Variants in NTRK3 observed in about 807,000 individuals in gnomAD.
NTRK3 encodes the protein neurotrophic receptor tyrosine kinase 3.
A neutral mutation model predicts 91.7 loss-of-function variants in NTRK3; 24 were observed. That is an observed-to-expected ratio of 0.26 (90% CI 0.19 to 0.37). The LOEUF is 0.37. Ranked by LOEUF, NTRK3 falls within the 10% of genes least tolerant of loss-of-function variation. NTRK3 has a pLI of 1.00. For synonymous variants in NTRK3, 483 were observed against 404.0 expected, an observed-to-expected ratio of 1.20 and a Z score of -2.34; for missense variants, 880 against 1,068.9, an observed-to-expected ratio of 0.82 and a Z score of 2.46.
At chr15:87,876,328 G>T in exon 19 of NTRK3, 1 of 230,688 alleles carries the variant, frequency 4.3e-6, no homozygotes, top group Middle Eastern at 1.3e-3. Context: ...CTGAAGTGGA[G>T]GAAATGGGGA....
At chr15:88,160,263 C>G (rs1356127368) in intron 5 of NTRK3, among the ~76,000 whole-genome samples, 3 of 152,138 alleles carry the variant, frequency 2.0e-5, no homozygotes, top group African/African-American at 7.2e-5. Context: ...TAGCAACAGG[C>G]CAGCCAGAGC....
At chr15:87,972,654 T>A (rs1237832018) in intron 14 of NTRK3, among the ~76,000 whole-genome samples, 1 of 152,136 alleles carries the variant, frequency 6.6e-6, no homozygotes, top group Non-Finnish European at 1.5e-5. Flanking sequence ...TTTGAGAGGA[T>A]CCTTTTGGTA....
intron 13 of NTRK3, among the ~76,000 whole-genome samples, chr15:88,107,483 T>C (rs944712309): frequency 2.6e-4 from 39 of 152,146 alleles, no homozygotes; most frequent in Non-Finnish European, 2.9e-5. Flanking sequence ...GGCATGTCCC[T>C]TCCTAGGCTC....
At chr15:87,902,035 G>A (rs1428514113) in intron 17 of NTRK3, among the ~76,000 whole-genome samples, 1 of 152,152 alleles carries the variant, frequency 6.6e-6, no homozygotes, top group African/African-American at 2.4e-5. Flanking sequence ...CTATAAATGT[G>A]ATTTATATAA....
chr15:88,096,899 T>C (rs1344142339), intron 13 of NTRK3, among the ~76,000 whole-genome samples: 2 of 152,200 alleles, frequency 1.3e-5, no homozygotes, highest in African/African-American at 4.8e-5. Flanking sequence ...CCAAATAAAT[T>C]ACCTGCACAT....
exon 3 of NTRK3, chr15:88,256,014 C>A (rs373123404): frequency 6.2e-7 from 1 of 1,613,560 alleles, no homozygotes; most frequent in East Asian, 2.2e-5. Context: ...ATCGTCCGGC[C>A]GCCGGCAATT....
chr15:88,006,920 C>T (rs2076534121), intron 14 of NTRK3, among the ~76,000 whole-genome samples: 1 of 152,176 alleles, frequency 6.6e-6, no homozygotes, highest in African/African-American at 2.4e-5. Context: ...TTGCCTTCCT[C>T]ATGCGTGAAA....
chr15:88,127,012 A>C, intron 12 of NTRK3, 150 bp downstream of exon 12: 1 of 720,710 alleles, frequency 1.4e-6, no homozygotes, highest in Non-Finnish European at 2.5e-6. Context: ...CCAACAAGGA[A>C]GGTTTAAACT....
rs1293884628 is a variant in NTRK3, at chr15:88,240,431, C to T, written c.248+15475G>A. Among the ~76,000 whole-genome samples, 1 of 152,166 alleles carries T rather than the reference C, an allele frequency of 6.6e-6. No homozygotes were observed. Among genetic ancestry groups the T allele is most frequent in the Non-Finnish European group, 1.5e-5 (1 of 68,016 alleles). The stretch of plus-strand genomic sequence containing the variant: ...GCCAAAAACACCTGTGTCCATGAAA[C>T]TCAAGGATCTCAAACTCCACTGAGT... On this transcript the variant is annotated intron_variant, in intron 3 of 18. Coordinates refer to ENST00000394480, the Ensembl canonical transcript of NTRK3. This position sits in a 1 kb window ranked among gnomAD's most constrained non-coding sequence, Gnocchi z 4.9.
intron 18 of NTRK3, among the ~76,000 whole-genome samples, chr15:87,877,405 T>C (rs371974690): frequency 8.5e-5 from 13 of 152,124 alleles, no homozygotes; most frequent in African/African-American, 3.1e-4. Context: ...CTCTTCTCTT[T>C]TACCTCACTT....
exon 19 of NTRK3, chr15:87,861,166 A>T (rs2064513386): frequency 4.5e-6 from 1 of 223,020 alleles, no homozygotes; most frequent in Non-Finnish European, 9.0e-6. Flanking sequence ...ATTGGGAAAC[A>T]CACATGAACA....
At chr15:88,173,961 G>A (rs1200777135) in intron 5 of NTRK3, among the ~76,000 whole-genome samples, 10 of 152,188 alleles carry the variant, frequency 6.6e-5, no homozygotes, top group Admixed American at 5.9e-4. Flanking sequence ...TTGCTATTAT[G>A]AGCATGAAAT....
In NTRK3 at chr15:88,197,094, C is replaced by CAAAAAAAAAA. The variant is rs59553739; in HGVS notation, c.249-12805_249-12796dup. 2.1e-4 allele frequency among the ~76,000 whole-genome samples: 12 copies of CAAAAAAAAAA among 56,584 alleles called. 1 individual carries two copies. The highest frequency in any genetic ancestry group is 2.9e-4 in the African/African-American group (6 of 20,680). The allele number at this position is 56,584 out of a possible 152,430, so 37.1% of individuals were successfully genotyped here. On this transcript the variant is annotated intron_variant, in intron 3 of 18. Transcript: ENST00000394480. ...AGAAGAGGTCTATGGTTGAGCAGGA[C>CAAAAAAAAAA]AAAAAAAAAAAAAAAAAAAAAAAAA... is the stretch of plus-strand genomic sequence containing the variant.
chr15:87,950,101 G>A (rs76224802), intron 14 of NTRK3, among the ~76,000 whole-genome samples: 2,042 of 152,232 alleles, frequency 0.013, 22 homozygotes, highest in Non-Finnish European at 0.022. Flanking sequence ...CCCCCAAGCC[G>A]TCCCTGTGAT....
intron 6 of NTRK3, among the ~76,000 whole-genome samples, chr15:88,139,494 G>A (rs1293079156): frequency 6.6e-6 from 1 of 152,134 alleles, no homozygotes; most frequent in Non-Finnish European, 1.5e-5. Context: ...AGGCTCCTGG[G>A]GAAAAGAATC....
chr15:87,865,996 A>T (rs2064665423), exon 19 of NTRK3: 1 of 231,520 alleles, frequency 4.3e-6, no homozygotes, highest in Non-Finnish European at 8.6e-6. Flanking sequence ...ACCCAGCAAG[A>T]CTGTATGCAA....
chr15:87,973,752 G>A (rs896147390), intron 14 of NTRK3, among the ~76,000 whole-genome samples: 6 of 152,032 alleles, frequency 3.9e-5, no homozygotes, highest in South Asian at 4.1e-4. Flanking sequence ...CCTTCCTCCC[G>A]TCTCTGCTGT....
At position 88,027,584 on chromosome 15, in the gene NTRK3, G is replaced by A. The variant is rs1334684005; in HGVS notation, c.1585+5273C>T. ...TTTTTAGTAGAGACGGGGTTTCACCGTGTTAGCCAGGATGGTCTCGATCTC... is the reference window on the plus strand; with the variant it reads ...TTTTTAGTAGAGACGGGGTTTCACCATGTTAGCCAGGATGGTCTCGATCTC... On this transcript the variant is annotated intron_variant, in intron 14 of 18. Coordinates refer to ENST00000394480, the Ensembl canonical transcript of NTRK3. Among the ~76,000 whole-genome samples, 9 of 152,168 alleles carry A rather than the reference G, an allele frequency of 5.9e-5. No homozygotes were observed. In the East Asian group the frequency reaches 7.8e-4, roughly 13 times the overall value.
chr15:88,116,510 T>C (rs1288679716), intron 13 of NTRK3, among the ~76,000 whole-genome samples: 1 of 151,774 alleles, frequency 6.6e-6, no homozygotes, highest in Non-Finnish European at 1.5e-5. Flanking sequence ...ACCTTTGAGG[T>C]AGGTTCATTT....
Sources: gnomAD v4.1 joint callset for allele counts (sites outside exome capture counted in the v4.1 genomes callset) on GRCh38, gnomAD v4.1.1 for gene constraint, Gnocchi (gnomAD v3.1) non-coding constraint, MANE v1.5 for transcripts, NCBI Gene and HGNC (gene_info 2026-07-23, HGNC 2026-07-21) for gene names.